The following HS6ST3 variants were observed in gnomAD, a reference collection of about 807,000 sequenced individuals.
The protein encoded by HS6ST3 is heparan-sulfate 6-O-sulfotransferase 3.
In HS6ST3, 12 loss-of-function variants were observed where a neutral mutation model predicts 36.7. That is an observed-to-expected ratio of 0.33 (90% CI 0.21 to 0.53). The LOEUF is 0.53. Among genes scored for constraint, HS6ST3 ranks in the 20% least tolerant of loss-of-function variants. The pLI is 0.95. For synonymous variants in HS6ST3, 240 were observed against 257.5 expected (o/e 0.93, Z 0.65); for missense variants, 584 against 640.9 (o/e 0.91, Z 0.96).
chr13:96,118,665 TATATATATATATATATATATATA>T (rs1411244059), intron 1 of HS6ST3, among the ~76,000 whole-genome samples: 17 of 6,488 alleles, frequency 2.6e-3, no homozygotes, highest in Non-Finnish European at 5.3e-3. Flanking sequence ...TATATATATA[TATATATATATATATATATATATA>T]TTTTTTTTTT....
At chr13:96,542,945 C>G (rs187090852) in intron 1 of HS6ST3, among the ~76,000 whole-genome samples, 149 of 152,198 alleles carry the variant, frequency 9.8e-4, no homozygotes, top group Non-Finnish European at 2.5e-4. Context: ...GATGGTGGTT[C>G]CTGCTCGAAA....
At chr13:96,361,456 T>C (rs1391499728) in intron 1 of HS6ST3, among the ~76,000 whole-genome samples, 1 of 152,194 alleles carries the variant, frequency 6.6e-6, no homozygotes, top group Non-Finnish European at 1.5e-5. Flanking sequence ...GATAGTTTCA[T>C]CTTCTCATGT....
At chr13:96,099,557 G>T (rs2053808068) in intron 1 of HS6ST3, among the ~76,000 whole-genome samples, 1 of 152,164 alleles carries the variant, frequency 6.6e-6, no homozygotes. Context: ...CAATCCTGCA[G>T]TGAAATTGAA....
chr13:96,748,576 G>A (rs1370090444), intron 1 of HS6ST3, among the ~76,000 whole-genome samples: 2 of 152,056 alleles, frequency 1.3e-5, no homozygotes, highest in African/African-American at 2.4e-5. Context: ...TATCTCACAT[G>A]CAATCTTTGT....
chr13:96,494,428 A>G (rs985933957), intron 1 of HS6ST3, among the ~76,000 whole-genome samples: 15 of 150,888 alleles, frequency 9.9e-5, no homozygotes, highest in African/African-American at 3.2e-4. Flanking sequence ...GCATTAGGAG[A>G]TACACCTAAC....
intron 1 of HS6ST3, among the ~76,000 whole-genome samples, chr13:96,434,401 TC>T: frequency 6.6e-6 from 1 of 152,194 alleles, no homozygotes; most frequent in South Asian, 2.1e-4. Flanking sequence ...GTAACCCAAT[TC>T]CCTTCCTTCC....
intron 1 of HS6ST3, among the ~76,000 whole-genome samples, chr13:96,655,881 T>C (rs546404130): frequency 2.0e-5 from 3 of 152,260 alleles, no homozygotes; most frequent in African/African-American, 4.8e-5. Context: ...GTTCCACTTC[T>C]TTCTGGAAGG....
At chr13:96,349,763 A>G (rs1044191156) in intron 1 of HS6ST3, among the ~76,000 whole-genome samples, 1 of 152,250 alleles carries the variant, frequency 6.6e-6, no homozygotes, top group Admixed American at 6.5e-5. Context: ...AGGAAATATG[A>G]TTGAATTGTT....
At chr13:96,533,007 C>A (rs148457706) in intron 1 of HS6ST3, among the ~76,000 whole-genome samples, 1 of 152,120 alleles carries the variant, frequency 6.6e-6, no homozygotes, top group South Asian at 2.1e-4. Context: ...GTGGTTTGCA[C>A]GCAGCATTTC....
chr13:96,623,997 T>G (rs1408105839), intron 1 of HS6ST3, among the ~76,000 whole-genome samples: 4 of 152,246 alleles, frequency 2.6e-5, no homozygotes, highest in Non-Finnish European at 5.9e-5. Flanking sequence ...AGTATCTACC[T>G]TTTGTCAAAT....
At chr13:96,698,501 A>G (rs924286678) in intron 1 of HS6ST3, among the ~76,000 whole-genome samples, 1 of 152,180 alleles carries the variant, frequency 6.6e-6, no homozygotes, top group Admixed American at 6.5e-5. Flanking sequence ...GTGAACTCCC[A>G]TTCACAATTG....
intron 1 of HS6ST3, among the ~76,000 whole-genome samples, chr13:96,140,346 T>C (rs1448047603): frequency 1.3e-5 from 2 of 152,178 alleles, no homozygotes; most frequent in Non-Finnish European, 2.9e-5. Flanking sequence ...CTTAAAACAC[T>C]GTGTGACACT....
intron 1 of HS6ST3, among the ~76,000 whole-genome samples, chr13:96,130,375 G>A (rs1298797570): frequency 1.3e-5 from 2 of 152,156 alleles, no homozygotes; most frequent in Non-Finnish European, 2.9e-5. Context: ...CAACTATTCT[G>A]AGTTGACCTA....
At chr13:96,822,387 T>C (rs1418090018) in intron 1 of HS6ST3, among the ~76,000 whole-genome samples, 1 of 152,184 alleles carries the variant, frequency 6.6e-6, no homozygotes, top group Admixed American at 6.5e-5. Flanking sequence ...CATTTGAAAC[T>C]GTACTGGGAG....
intron 1 of HS6ST3, among the ~76,000 whole-genome samples, chr13:96,365,252 T>C (rs879472392): frequency 1.1e-4 from 17 of 152,186 alleles, no homozygotes; most frequent in Admixed American, 1.1e-3. Flanking sequence ...CTGATGTTCC[T>C]CCCTGACATG....
At chr13:96,677,142 A>T (rs2056701417) in intron 1 of HS6ST3, among the ~76,000 whole-genome samples, 1 of 152,176 alleles carries the variant, frequency 6.6e-6, no homozygotes, top group Non-Finnish European at 1.5e-5. Flanking sequence ...GTTACATTAT[A>T]TGGGGGCAAA....
intron 1 of HS6ST3, among the ~76,000 whole-genome samples, chr13:96,687,451 A>C (rs1874815018): frequency 6.6e-6 from 1 of 152,060 alleles, no homozygotes; most frequent in African/African-American, 2.4e-5. Context: ...TTAAAGAATG[A>C]CTACAATATG....
intron 1 of HS6ST3, among the ~76,000 whole-genome samples, chr13:96,109,566 A>G (rs933179290): frequency 1.3e-5 from 2 of 152,234 alleles, no homozygotes; most frequent in East Asian, 3.9e-4. Flanking sequence ...TTAGAAAGCT[A>G]CTTACATTTA....
chr13:96,313,169 C>A (rs866429193), intron 1 of HS6ST3, among the ~76,000 whole-genome samples: 1 of 151,952 alleles, frequency 6.6e-6, no homozygotes, highest in African/African-American at 2.4e-5. Flanking sequence ...CTCGAGGTAG[C>A]TGCTGGATTG....
Sources: allele counts gnomAD v4.1 joint callset (sites outside exome capture counted in the v4.1 genomes callset), GRCh38; gene constraint gnomAD v4.1.1; transcripts MANE v1.5; gene names NCBI Gene and HGNC (gene_info 2026-07-23, HGNC 2026-07-21).